Variants in GRIK5 observed in about 807,000 individuals in gnomAD.
GRIK5 encodes glutamate receptor ionotropic, kainate 5.
Under a neutral mutation model 97.4 loss-of-function variants are expected in GRIK5, and 43 were observed. The ratio of observed to expected loss-of-function variants is 0.44; its 90% CI spans 0.35 to 0.57. GRIK5 has a LOEUF of 0.57. GRIK5 is among the 20% of genes least tolerant of loss of function. GRIK5 has a pLI of 0.01. For synonymous variants in GRIK5, 580 were observed against 583.5 expected, an observed-to-expected ratio of 0.99 and a Z score of 0.09; for missense variants, 1,015 against 1,382.0, an observed-to-expected ratio of 0.73 and a Z score of 4.21.
At position 42,062,959 on chromosome 19, in the gene GRIK5, G is replaced by A; in HGVS notation, c.245-104C>T. The stretch of plus-strand genomic sequence containing the variant: ...TGGCCCAGGAGAGGATCAGACACTG[G>A]CAACTGCCTGATCCTCTTCTGCCAT... On this transcript the variant is annotated intron_variant, in intron 3 of 19. Transcript: ENST00000593562. This position sits in a 1 kb window ranked among gnomAD's most constrained non-coding sequence, Gnocchi z 5.3. The A allele has an allele frequency of 1.2e-6, 1 of 808,004 alleles. No individual in the cohort carries two copies. Among genetic ancestry groups the A allele is most frequent in the Non-Finnish European group, 2.1e-6 (1 of 480,686 alleles). 50.1% of individuals were successfully genotyped at this position (808,004 alleles called of 1,614,324 possible).
chr19:42,029,648 C>A (rs2075817381), intron 12 of GRIK5, among the ~76,000 whole-genome samples: 1 of 152,178 alleles, frequency 6.6e-6, no homozygotes, highest in African/African-American at 2.4e-5. Flanking sequence ...AGGCTCCATA[C>A]AGCATTCCTA....
intron 15 of GRIK5, among the ~76,000 whole-genome samples, chr19:42,007,241 C>T (rs1435702845): frequency 1.3e-5 from 2 of 151,738 alleles, no homozygotes; most frequent in African/African-American, 4.8e-5. Flanking sequence ...ATTACAGGTG[C>T]CCACCATCAC....
Position 42,053,585 on chromosome 19 carries a change from C to A in GRIK5, c.1269+17G>T. On this transcript the variant is annotated intron_variant, in intron 11 of 19. Transcript: ENST00000593562. ...CAGGGCAGCGCCACTCCCAGGCCCC[C>A]ATCTAGGGCCACTCACCAGGATGGT... 1 of 1,450,168 alleles carries A rather than the reference C, an allele frequency of 6.9e-7. No homozygotes were observed. Among genetic ancestry groups the A allele is most frequent in the Non-Finnish European group, 9.7e-7 (1 of 1,030,476 alleles). The allele number at this position is 1,450,168 out of a possible 1,614,324, so 89.8% of individuals were successfully genotyped here. A position where few individuals can be genotyped will look rare whatever the true frequency, so the allele number is the denominator to read the frequency against.
intron 1 of GRIK5, among the ~76,000 whole-genome samples, chr19:42,066,473 GAA>G (rs754077238): frequency 1.6e-5 from 2 of 127,480 alleles, no homozygotes; most frequent in African/African-American, 5.6e-5. Context: ...GTAAAAGGGG[GAA>G]AAAAAAAAAA....
intron 1 of GRIK5, among the ~76,000 whole-genome samples, chr19:42,066,785 C>T (rs1360879270): frequency 6.6e-6 from 1 of 151,734 alleles, no homozygotes; most frequent in East Asian, 1.9e-4. Context: ...GAAACCAAGG[C>T]ACAGGCGAGA....
chr19:42,056,750 G>T lies in GRIK5; in HGVS notation c.815C>A (p.Thr272Lys). 1 of 1,613,910 alleles carries T rather than the reference G, an allele frequency of 6.2e-7. No homozygotes were observed. Among genetic ancestry groups the T allele is most frequent in the Non-Finnish European group, 8.5e-7 (1 of 1,179,790 alleles). Residue 272 changes from threonine to lysine, a missense_variant, in exon 8 of 20, where the codon ACG becomes AAG. Thr to Lys is a moderately conservative substitution (Grantham distance 78). Transcript: ENST00000593562. ...SNILGFSMFN[T>K]SHPFYPEFVR... The stretch of plus-strand genomic sequence containing the variant: ...AAACTCAGGGTAGAAGGGGTGGGAC[G>T]TGTTGAACATGGAGAAGCCCAGGAT...
At chr19:42,055,654 G>A (rs2076173674) in intron 8 of GRIK5, among the ~76,000 whole-genome samples, 1 of 152,142 alleles carries the variant, frequency 6.6e-6, no homozygotes, top group Admixed American at 6.5e-5. Context: ...AGACAAGGCA[G>A]GGAGGGGTGA....
chr19:42,043,477 C>T (rs1174371003), intron 11 of GRIK5, among the ~76,000 whole-genome samples: 1 of 145,306 alleles, frequency 6.9e-6, no homozygotes, highest in African/African-American at 2.6e-5. Context: ...GCGATCTCAA[C>T]TCACTGCAAC....
In GRIK5 at chr19:41,998,754, C is replaced by G. The variant is rs782300091; in HGVS notation, c.*117G>C. On this transcript the variant is annotated 3_prime_UTR_variant, in exon 20 of 20. Transcript: ENST00000593562. ...GAACCAAAGGCAAAATCGCGGCGTC[C>G]GGGGCGCCGGCGCACAAGTCCTGTC... 2.3e-6 allele frequency: 1 copy of G among 427,080 alleles called. No individual in the cohort carries two copies. Among genetic ancestry groups the G allele is most frequent in the Non-Finnish European group, 3.2e-6 (1 of 308,342 alleles). The allele number at this position is 427,080 out of a possible 1,614,324, so 26.5% of individuals were successfully genotyped here.
intron 15 of GRIK5, among the ~76,000 whole-genome samples, chr19:42,017,233 A>C: frequency 6.6e-6 from 1 of 152,250 alleles, no homozygotes; most frequent in East Asian, 1.9e-4. Flanking sequence ...TAATTCTGTT[A>C]AATGATCTTA....
chr19:42,022,644 C>G lies in GRIK5; in HGVS notation c.1474-290G>C. The G allele has an allele frequency of 1.9e-5, 19 of 984,970 alleles. No homozygotes were observed. The highest frequency in any genetic ancestry group is 2.3e-5 in the Non-Finnish European group (19 of 829,854). The allele number at this position is 984,970 out of a possible 1,614,324, so 61.0% of individuals were successfully genotyped here. On this transcript the variant is annotated intron_variant, in intron 12 of 19. Transcript: ENST00000593562. The surrounding 1 kb of genome is among the most constrained non-coding windows in gnomAD (Gnocchi z 4.2). ...AAGGGCTGGGGATGGAGGGGTTCCCCAAACTCCAATTCAAGCAGCAACTTC... is the reference window on the plus strand; with the variant it reads ...AAGGGCTGGGGATGGAGGGGTTCCCGAAACTCCAATTCAAGCAGCAACTTC...
rs782268143 is a variant in GRIK5, at chr19:42,002,347, A to G, written c.2514+985T>C. 8.4e-6 allele frequency: 6 copies of G among 717,656 alleles called. No homozygotes were observed. The highest frequency in any genetic ancestry group is 1.5e-5 in the South Asian group (1 of 67,604). 44.5% of individuals were successfully genotyped at this position (717,656 alleles called of 1,614,324 possible). On this transcript the variant is annotated intron_variant, in intron 19 of 19. Transcript: ENST00000593562. The surrounding 1 kb of genome is among the most constrained non-coding windows in gnomAD (Gnocchi z 5.2). The stretch of plus-strand genomic sequence containing the variant: ...ACTGGAGAAATGACAGCATATTTGT[A>G]CGTTGGTGGCCTGAATCCAATAAAG...
At chr19:42,034,171 G>A (rs1267930654) in intron 12 of GRIK5, among the ~76,000 whole-genome samples, 1 of 152,120 alleles carries the variant, frequency 6.6e-6, no homozygotes, top group Non-Finnish European at 1.5e-5. Context: ...AGACCAGCCT[G>A]GCCAACATGG....
At position 42,053,677 on chromosome 19, in the gene GRIK5, G is replaced by A. The variant is rs1410709794; in HGVS notation, c.1194C>T (p.Ala398=). The A allele has an allele frequency of 1.9e-6, 3 of 1,612,936 alleles. No homozygotes were observed. Among genetic ancestry groups the A allele is most frequent in the African/African-American group, 2.7e-5 (2 of 74,914 alleles). ...IGVWYSNRTL[A]MNATTLDINL... ...TGATGTCCAGGGTGGTGGCATTCAT[G>A]GCCAGGGTGCGGTTAGAGTACCACA... The change falls in exon 11 of 20, where the codon GCC becomes GCT. Residue 398 remains alanine, a synonymous_variant. Coordinates refer to ENST00000593562, the MANE Select transcript of GRIK5 (RefSeq NM_002088.5).
At position 42,021,655 on chromosome 19, in the gene GRIK5, G is replaced by A. The variant is rs1282688461; in HGVS notation, c.1698-181C>T. On this transcript the variant is annotated intron_variant, in intron 14 of 19. Transcript: ENST00000593562. The surrounding 1 kb of genome is among the most constrained non-coding windows in gnomAD (Gnocchi z 4.2). ...ATGCACAGAGATGGAGACAGAAGAG[G>A]CAGAGAGAGACACAGAGATACTCAG... Among the ~76,000 whole-genome samples, 5 of 152,164 alleles carry A rather than the reference G, an allele frequency of 3.3e-5. No homozygotes were observed. Among genetic ancestry groups the A allele is most frequent in the African/African-American group, 1.2e-4 (5 of 41,434 alleles).
rs191293964 is a variant in GRIK5, at chr19:42,035,172, G to A, written c.1473+7380C>T. ...TTTTTTGTATTTTCAGTAGAGATGG[G>A]GTTTCTCCATGTTGGTCAGGCTGGT... On this transcript the variant is annotated intron_variant, in intron 12 of 19. Coordinates refer to ENST00000593562, the MANE Select transcript of GRIK5 (RefSeq NM_002088.5). 1.7e-4 allele frequency among the ~76,000 whole-genome samples: 26 copies of A among 151,886 alleles called. 1 individual carries two copies. The East Asian group carries it at 3.4e-3, about 20-fold the overall frequency.
At chr19:42,025,615 C>T (rs1052980325) in intron 12 of GRIK5, among the ~76,000 whole-genome samples, 1 of 152,178 alleles carries the variant, frequency 6.6e-6, no homozygotes, top group Non-Finnish European at 1.5e-5. Flanking sequence ...TCTCCCTCAC[C>T]CCTCACTGCA....
intron 9 of GRIK5, 78 bp from the exon 10 acceptor site, chr19:42,054,007 C>T (rs2076149762): frequency 2.1e-6 from 2 of 947,000 alleles, no homozygotes; most frequent in Admixed American, 1.9e-5. Flanking sequence ...CGTGGTGAGA[C>T]ATCCACAGAG....
At chr19:42,015,216 T>C (rs1026125304) in intron 15 of GRIK5, among the ~76,000 whole-genome samples, 1 of 152,152 alleles carries the variant, frequency 6.6e-6, no homozygotes, top group African/African-American at 2.4e-5. Flanking sequence ...CAGGGTGAGA[T>C]TTCAAAACTC....
Sources: allele counts gnomAD v4.1 joint callset (sites outside exome capture counted in the v4.1 genomes callset), GRCh38; gene constraint gnomAD v4.1.1; non-coding constraint Gnocchi (gnomAD v3.1); transcripts MANE v1.5; gene names NCBI Gene and HGNC (gene_info 2026-07-23, HGNC 2026-07-21).